Variants in WWTR1 observed in about 807,000 individuals in gnomAD.
The protein encoded by WWTR1 is WW domain-containing transcription regulator protein 1.
In WWTR1, 13 loss-of-function variants were observed where a neutral mutation model predicts 40.1. That is an observed-to-expected ratio of 0.32 (90% CI 0.21 to 0.52). The LOEUF (loss-of-function observed/expected upper bound fraction) is 0.52, where lower values mean the gene tolerates loss of function less well. Among genes scored for constraint, WWTR1 ranks in the 20% least tolerant of loss-of-function variants. The pLI is 0.97. For missense variants in WWTR1, 436 were observed against 523.1 expected (o/e 0.83, Z 1.63); for synonymous variants, 230 against 210.1 (o/e 1.09, Z -0.82).
At chr3:149,693,647 ACAGAATAGAGAACC>A (rs1002340561) in intron 1 of WWTR1, among the ~76,000 whole-genome samples, 19 of 152,264 alleles carry the variant, frequency 1.2e-4, no homozygotes, top group East Asian at 3.9e-4. Context: ...GACCAATGGG[ACAGAATAGAGAACC>A]CAGAATAGAG....
chr3:149,588,501 T>C (rs114992072), intron 2 of WWTR1, among the ~76,000 whole-genome samples: 1 of 152,186 alleles, frequency 6.6e-6, no homozygotes, highest in Admixed American at 6.5e-5. Context: ...GATAGAATGG[T>C]TAAACAAATT....
chr3:149,678,414 C>T (rs1714344452), intron 1 of WWTR1, among the ~76,000 whole-genome samples: 1 of 152,192 alleles, frequency 6.6e-6, no homozygotes, highest in African/African-American at 2.4e-5. Flanking sequence ...GTTCTGCAGG[C>T]CCTTTTTCCA....
At chr3:149,603,854 CAA>C (rs370980729) in intron 2 of WWTR1, among the ~76,000 whole-genome samples, 4 of 83,284 alleles carry the variant, frequency 4.8e-5, no homozygotes, top group African/African-American at 1.9e-4. Flanking sequence ...AGCGGCATAC[CAA>C]AAAAAAAAAA....
At chr3:149,615,688 C>T (rs1211941877) in intron 2 of WWTR1, among the ~76,000 whole-genome samples, 2 of 152,202 alleles carry the variant, frequency 1.3e-5, no homozygotes, top group African/African-American at 4.8e-5. Context: ...TTCCTTGAGA[C>T]ATGCCTGTTC....
At chr3:149,615,741 C>T (rs890186187) in intron 2 of WWTR1, among the ~76,000 whole-genome samples, 2 of 152,104 alleles carry the variant, frequency 1.3e-5, no homozygotes, top group South Asian at 2.1e-4. Flanking sequence ...GGAAACAGAT[C>T]GAAAGAAACA....
intron 2 of WWTR1, among the ~76,000 whole-genome samples, chr3:149,619,828 T>G (rs1740185578): frequency 6.6e-6 from 1 of 152,226 alleles, no homozygotes. Flanking sequence ...CTTCTTGGGT[T>G]GCTGGTTAAT....
chr3:149,582,392 T>C (rs948434205), intron 2 of WWTR1, among the ~76,000 whole-genome samples: 4 of 151,206 alleles, frequency 2.6e-5, no homozygotes, highest in Admixed American at 2.6e-4. Flanking sequence ...AGTACCAGCA[T>C]TTTTTTTTCT....
At chr3:149,598,780 C>T (rs915882354) in intron 2 of WWTR1, among the ~76,000 whole-genome samples, 38 of 152,028 alleles carry the variant, frequency 2.5e-4, no homozygotes, top group Non-Finnish European at 5.0e-4. Context: ...ACAAATAATG[C>T]TTCAACAAAC....
chr3:149,593,625 G>A (rs1239737562), intron 2 of WWTR1, among the ~76,000 whole-genome samples: 1 of 151,860 alleles, frequency 6.6e-6, no homozygotes, highest in African/African-American at 2.4e-5. Context: ...ACACATGCGT[G>A]GACTTAAAAA....
chr3:149,649,067 A>ACTGCAACCTCTGCCTCC (rs1393097633), intron 2 of WWTR1: 1 of 152,350 alleles, frequency 6.6e-6, no homozygotes, highest in African/African-American at 2.4e-5. Context: ...ATCTCGGCTC[A>ACTGCAACCTCTGCCTCC]CTGCAACCTC....
intron 2 of WWTR1, among the ~76,000 whole-genome samples, chr3:149,624,957 C>T (rs935463948): frequency 6.6e-6 from 1 of 151,774 alleles, no homozygotes; most frequent in Non-Finnish European, 1.5e-5. Flanking sequence ...TCTCAAACTC[C>T]TGACCTCAAG....
intron 2 of WWTR1, among the ~76,000 whole-genome samples, chr3:149,644,760 G>A (rs1019740382): frequency 6.6e-6 from 1 of 152,236 alleles, no homozygotes; most frequent in African/African-American, 2.4e-5. Flanking sequence ...ACTGGGAACA[G>A]TAGTTACTTC....
chr3:149,682,863 C>T (rs1052148262), intron 1 of WWTR1, among the ~76,000 whole-genome samples: 5 of 152,112 alleles, frequency 3.3e-5, no homozygotes, highest in South Asian at 2.1e-4. Flanking sequence ...CTGCAGAAAC[C>T]GCCATGGAAA....
intron 2 of WWTR1, among the ~76,000 whole-genome samples, chr3:149,648,333 T>TGTGCCAGGCACTGTGCTCAAGTTAAGCA (rs1712651716): frequency 6.6e-6 from 1 of 152,160 alleles, no homozygotes; most frequent in South Asian, 2.1e-4. Context: ...ACACCTACTA[T>TGTGCCAGGCACTGTGCTCAAGTTAAGCA]GTGCCAGGCA....
intron 6 of WWTR1, among the ~76,000 whole-genome samples, chr3:149,524,737 CT>C (rs2107902291): frequency 6.6e-6 from 1 of 152,296 alleles, no homozygotes; most frequent in Non-Finnish European, 1.5e-5. Flanking sequence ...GAGTTTGACT[CT>C]TGATCTTTCC....
At chr3:149,590,406 T>C (rs546376215) in intron 2 of WWTR1, among the ~76,000 whole-genome samples, 6 of 152,242 alleles carry the variant, frequency 3.9e-5, no homozygotes, top group Middle Eastern at 6.8e-3. Flanking sequence ...TCCCAGCACT[T>C]TGGGAGGCCG....
chr3:149,632,834 C>T (rs141399942), intron 2 of WWTR1, among the ~76,000 whole-genome samples: 1 of 152,294 alleles, frequency 6.6e-6, no homozygotes, highest in Non-Finnish European at 1.5e-5. Flanking sequence ...AATTTACATA[C>T]AATTTCCAGA....
At chr3:149,650,457 G>A (rs1712799684) in intron 2 of WWTR1, among the ~76,000 whole-genome samples, 1 of 152,136 alleles carries the variant, frequency 6.6e-6, no homozygotes, top group African/African-American at 2.4e-5. Flanking sequence ...ACCTGTTCAT[G>A]GGATCACTGT....
At chr3:149,654,689 T>C (rs1576625293) in intron 2 of WWTR1, among the ~76,000 whole-genome samples, 3 of 152,348 alleles carry the variant, frequency 2.0e-5, no homozygotes, top group Admixed American at 6.5e-5. Context: ...TGTTTTGCTT[T>C]TGTTTCAGGG....
Sources: gnomAD v4.1 joint callset for allele counts (sites outside exome capture counted in the v4.1 genomes callset) on GRCh38, gnomAD v4.1.1 for gene constraint, MANE v1.5 for transcripts, NCBI Gene and HGNC (gene_info 2026-07-23, HGNC 2026-07-21) for gene names.